Variants in PAPSS1 observed in about 807,000 individuals in gnomAD.
PAPSS1 encodes bifunctional 3'-phosphoadenosine 5'-phosphosulfate synthase 1.
PAPSS1 carries 50 observed loss-of-function variants against 72.0 expected under a neutral mutation model. That is an observed-to-expected ratio of 0.69 (90% CI 0.55 to 0.88). The LOEUF is 0.88. Ranked by LOEUF, PAPSS1 falls within the 40% of genes least tolerant of loss-of-function variation. PAPSS1 has a pLI of 0.00. For missense variants in PAPSS1, 657 were observed against 782.2 expected (o/e 0.84, Z 1.91); for synonymous variants, 261 against 263.6 (o/e 0.99, Z 0.09).
Position 107,624,817 on chromosome 4 carries a change from C to T in PAPSS1, c.1736+6814G>A, listed in dbSNP as rs1024380100. On this transcript the variant is annotated intron_variant, in intron 11 of 11. Coordinates refer to ENST00000265174, the MANE Select transcript of PAPSS1 (RefSeq NM_005443.5). Reference sequence around the variant, plus strand: ...TAGTCAGACTCTACATGTATTCAGACGAAACATCAAAATTAATAAAAACAA... The same window carrying T: ...TAGTCAGACTCTACATGTATTCAGATGAAACATCAAAATTAATAAAAACAA... 5.9e-5 allele frequency among the ~76,000 whole-genome samples: 9 copies of T among 152,064 alleles called. No homozygotes were observed. In the South Asian group the frequency reaches 1.2e-3, roughly 21 times the overall value.
chr4:107,670,222 T>G (rs1209324356), intron 5 of PAPSS1, among the ~76,000 whole-genome samples: 2 of 152,206 alleles, frequency 1.3e-5, no homozygotes, highest in Non-Finnish European at 2.9e-5. Flanking sequence ...TATCTATCCT[T>G]CTTTTTCAAG....
At chr4:107,704,603 T>A (rs751332998) in intron 1 of PAPSS1, among the ~76,000 whole-genome samples, 8 of 152,362 alleles carry the variant, frequency 5.3e-5, no homozygotes, top group Non-Finnish European at 1.0e-4. Context: ...TCTATTGAGA[T>A]GATCATAGGT....
At chr4:107,704,202 G>T (rs1195575089) in intron 1 of PAPSS1, among the ~76,000 whole-genome samples, 1 of 152,108 alleles carries the variant, frequency 6.6e-6, no homozygotes, top group Non-Finnish European at 1.5e-5. Flanking sequence ...TTTGTATTCT[G>T]CAACTTTACT....
chr4:107,649,310 A>G (rs187150638), intron 9 of PAPSS1, among the ~76,000 whole-genome samples: 1 of 152,370 alleles, frequency 6.6e-6, no homozygotes, highest in East Asian at 1.9e-4. Context: ...CCCTGCAACC[A>G]GCTTCTGCCC....
chr4:107,714,138 C>A (rs953043139), intron 1 of PAPSS1, among the ~76,000 whole-genome samples: 1 of 152,194 alleles, frequency 6.6e-6, no homozygotes, highest in Admixed American at 6.5e-5. Context: ...TCAAGCTGCA[C>A]CATCCCCCAA....
chr4:107,649,277 C>G (rs1029081591), intron 9 of PAPSS1, among the ~76,000 whole-genome samples: 1 of 152,216 alleles, frequency 6.6e-6, no homozygotes. Context: ...TGCCTCAGCG[C>G]GTGATTCTGG....
chr4:107,685,912 A>C (rs1722770963), intron 4 of PAPSS1, among the ~76,000 whole-genome samples: 1 of 152,220 alleles, frequency 6.6e-6, no homozygotes, highest in Non-Finnish European at 1.5e-5. Context: ...CCTGCTGGGA[A>C]GGCAAACTTA....
At chr4:107,664,040 T>C (rs1416555545) in intron 5 of PAPSS1, among the ~76,000 whole-genome samples, 1 of 152,150 alleles carries the variant, frequency 6.6e-6, no homozygotes, top group Non-Finnish European at 1.5e-5. Context: ...TAAAGACAAG[T>C]AAGCAATTTG....
chr4:107,703,460 T>C (rs1335890069), intron 1 of PAPSS1, among the ~76,000 whole-genome samples: 1 of 152,184 alleles, frequency 6.6e-6, no homozygotes, highest in Non-Finnish European at 1.5e-5. Context: ...TAAAACTTTT[T>C]TCCTACTTTC....
At chr4:107,622,217 G>A (rs1050708138) in intron 11 of PAPSS1, among the ~76,000 whole-genome samples, 7 of 152,122 alleles carry the variant, frequency 4.6e-5, no homozygotes, top group African/African-American at 1.2e-4. Context: ...TGTCTTCAAC[G>A]TAGTCGATTC....
intron 3 of PAPSS1, 67 bp downstream of exon 3, chr4:107,693,704 G>A: frequency 9.0e-7 from 1 of 1,106,718 alleles, no homozygotes. Context: ...TTTAAAGTAT[G>A]TGCTTTGCCT....
intron 11 of PAPSS1, among the ~76,000 whole-genome samples, chr4:107,622,535 G>GA (rs1013660303): frequency 6.6e-6 from 1 of 152,196 alleles, no homozygotes; most frequent in African/African-American, 2.4e-5. Flanking sequence ...AGGGGCTTAT[G>GA]AAAAGATAAA....
At chr4:107,661,704 A>G (rs1727186458) in intron 5 of PAPSS1, among the ~76,000 whole-genome samples, 1 of 152,200 alleles carries the variant, frequency 6.6e-6, no homozygotes, top group African/African-American at 2.4e-5. Context: ...ATTCAAGATG[A>G]AAGAACTGGA....
chr4:107,698,360 A>AT (rs1168276274), intron 2 of PAPSS1, among the ~76,000 whole-genome samples: 2 of 152,368 alleles, frequency 1.3e-5, no homozygotes, highest in African/African-American at 4.8e-5. Flanking sequence ...TGACAAGCTT[A>AT]ATCTATTATA....
At chr4:107,695,871 A>G (rs1183641535) in intron 2 of PAPSS1, among the ~76,000 whole-genome samples, 1 of 152,190 alleles carries the variant, frequency 6.6e-6, no homozygotes, top group African/African-American at 2.4e-5. Flanking sequence ...CAAGGAACTT[A>G]ATACAGAAGA....
intron 9 of PAPSS1, among the ~76,000 whole-genome samples, chr4:107,649,241 G>A (rs58181839): frequency 0.035 from 5,332 of 152,268 alleles, 288 homozygotes; most frequent in African/African-American, 0.12. Flanking sequence ...AAAAGTTTTC[G>A]GGGAGCTCTT....
intron 5 of PAPSS1, 149 bp downstream of exon 5, chr4:107,681,866 A>G (rs1217681413): frequency 1.8e-6 from 1 of 556,956 alleles, no homozygotes; most frequent in African/African-American, 1.9e-5. Context: ...TCACACACTG[A>G]CATACAGACA....
intron 1 of PAPSS1, among the ~76,000 whole-genome samples, chr4:107,703,931 C>A (rs1315180042): frequency 6.6e-6 from 1 of 152,186 alleles, no homozygotes; most frequent in Non-Finnish European, 1.5e-5. Context: ...CTGTAGATCA[C>A]TTTAAGTAGT....
chr4:107,660,610 C>T (rs1293923523), intron 5 of PAPSS1, among the ~76,000 whole-genome samples: 3 of 152,146 alleles, frequency 2.0e-5, no homozygotes, highest in Non-Finnish European at 4.4e-5. Context: ...TTTATCCAAG[C>T]TCCATATACT....
Sources: gnomAD v4.1 joint callset for allele counts (sites outside exome capture counted in the v4.1 genomes callset) on GRCh38, gnomAD v4.1.1 for gene constraint, MANE v1.5 for transcripts, NCBI Gene and HGNC (gene_info 2026-07-23, HGNC 2026-07-21) for gene names.